The following PLEKHM3 variants were observed in gnomAD, a reference collection of about 807,000 sequenced individuals.
PLEKHM3 encodes pleckstrin homology domain-containing family M member 3.
Under a neutral mutation model 81.8 loss-of-function variants are expected in PLEKHM3, and 45 were observed. The ratio of observed to expected loss-of-function variants is 0.55; its 90% CI spans 0.43 to 0.71. PLEKHM3 has a LOEUF of 0.71. Ranked by LOEUF, PLEKHM3 falls within the 30% of genes least tolerant of loss-of-function variation. PLEKHM3 has a pLI of 0.00. For missense variants in PLEKHM3, 788 were observed against 924.3 expected, an observed-to-expected ratio of 0.85 and a Z score of 1.91; for synonymous variants, 352 against 356.4, an observed-to-expected ratio of 0.99 and a Z score of 0.14.
At chr2:207,907,893 G>A (rs971661790) in intron 6 of PLEKHM3, among the ~76,000 whole-genome samples, 11 of 152,174 alleles carry the variant, frequency 7.2e-5, no homozygotes, top group African/African-American at 9.7e-5. Context: ...TTTCTGTCAC[G>A]ATGGATTTGC....
chr2:207,836,697 G>C (rs2105884671), intron 7 of PLEKHM3, among the ~76,000 whole-genome samples: 1 of 152,318 alleles, frequency 6.6e-6, no homozygotes, highest in Admixed American at 6.5e-5. Context: ...CACACAGGGA[G>C]GTCACAGGAA....
intron 6 of PLEKHM3, among the ~76,000 whole-genome samples, chr2:207,865,801 A>AAAAAAAAAAAAAAAAATATAT: frequency 4.0e-5 from 1 of 25,300 alleles, no homozygotes; most frequent in Non-Finnish European, 7.6e-5. Context: ...AAAAAAAAAA[A>AAAAAAAAAAAAAAAAATATAT]AGATATATAT....
intron 7 of PLEKHM3, among the ~76,000 whole-genome samples, chr2:207,845,293 T>C (rs2092376450): frequency 6.6e-6 from 1 of 152,238 alleles, no homozygotes; most frequent in African/African-American, 2.4e-5. Context: ...AAAACCAAGA[T>C]ACTATTGTAC....
intron 7 of PLEKHM3, among the ~76,000 whole-genome samples, chr2:207,854,598 C>T (rs1462978441): frequency 1.3e-5 from 2 of 152,050 alleles, no homozygotes; most frequent in Non-Finnish European, 2.9e-5. Context: ...TTTGCCTTTT[C>T]ACAGGGTTGT....
chr2:207,894,958 T>C (rs1574380616), intron 6 of PLEKHM3, among the ~76,000 whole-genome samples: 1 of 152,156 alleles, frequency 6.6e-6, no homozygotes, highest in Non-Finnish European at 1.5e-5. Flanking sequence ...TTGTGTGGAT[T>C]AAATGAGATA....
intron 4 of PLEKHM3, among the ~76,000 whole-genome samples, chr2:207,934,797 G>A (rs541460831): frequency 3.3e-5 from 5 of 152,332 alleles, no homozygotes; most frequent in African/African-American, 1.2e-4. Flanking sequence ...ATTATTAAGT[G>A]TCATCAGTAT....
chr2:207,993,139 C>A (rs774159978), intron 2 of PLEKHM3, among the ~76,000 whole-genome samples: 1 of 151,962 alleles, frequency 6.6e-6, no homozygotes, highest in African/African-American at 2.4e-5. Flanking sequence ...ATAGGACAAC[C>A]AGGAAAAAAT....
chr2:207,991,620 G>C (rs1363055928), intron 2 of PLEKHM3, among the ~76,000 whole-genome samples: 1 of 152,058 alleles, frequency 6.6e-6, no homozygotes, highest in Non-Finnish European at 1.5e-5. Context: ...AGACCCAGAA[G>C]AGATGCCCTG....
intron 5 of PLEKHM3, among the ~76,000 whole-genome samples, chr2:207,925,140 G>GTTTTT (rs1189512339): frequency 8.5e-6 from 1 of 118,290 alleles, no homozygotes. Flanking sequence ...TTGTTTTTTT[G>GTTTTT]TTTTTTGTTT....
intron 6 of PLEKHM3, among the ~76,000 whole-genome samples, chr2:207,892,330 C>A (rs890426729): frequency 3.3e-5 from 5 of 152,126 alleles, no homozygotes; most frequent in Non-Finnish European, 7.4e-5. Context: ...CACAGCATAC[C>A]ATTTACCATA....
At chr2:207,953,390 A>G (rs1379139890) in intron 3 of PLEKHM3, among the ~76,000 whole-genome samples, 3 of 151,496 alleles carry the variant, frequency 2.0e-5, no homozygotes, top group African/African-American at 7.3e-5. Flanking sequence ...GTTCATCAGA[A>G]TTTTTTTTTT....
intron 2 of PLEKHM3, among the ~76,000 whole-genome samples, chr2:207,980,684 T>G (rs549917089): frequency 2.0e-5 from 3 of 151,928 alleles, no homozygotes; most frequent in Non-Finnish European, 4.4e-5. Flanking sequence ...TCCTCTCACC[T>G]CAGCCTCCCA....
rs796465372 is a variant in PLEKHM3 at position 207,826,300 on chromosome 2, C to T, written c.*2019G>A. On this transcript the variant is annotated 3_prime_UTR_variant, in exon 8 of 8. Transcript: ENST00000427836. ...GGAAAATATAAATACTGTATTTTACCAAGAGGAGGAGGAAAGGAGATGATC... is the reference window on the plus strand; with the variant it reads ...GGAAAATATAAATACTGTATTTTACTAAGAGGAGGAGGAAAGGAGATGATC... 3.3e-5 allele frequency: 5 copies of T among 152,184 alleles called. No homozygotes were observed. Among genetic ancestry groups the T allele is most frequent in the African/African-American group, 1.2e-4 (5 of 41,506 alleles). The allele number at this position is 152,184 out of a possible 1,614,324, so 9.4% of individuals were successfully genotyped here. A position where few individuals can be genotyped will look rare whatever the true frequency, so the allele number is the denominator to read the frequency against.
At chr2:207,923,541 A>C (rs1389396657) in intron 5 of PLEKHM3, among the ~76,000 whole-genome samples, 1 of 152,064 alleles carries the variant, frequency 6.6e-6, no homozygotes, top group Non-Finnish European at 1.5e-5. Context: ...AGGGAGGTGG[A>C]GGTTGCGGTG....
At chr2:207,968,270 C>T (rs1297722654) in intron 3 of PLEKHM3, among the ~76,000 whole-genome samples, 2 of 152,084 alleles carry the variant, frequency 1.3e-5, no homozygotes, top group Non-Finnish European at 2.9e-5. Flanking sequence ...AGAGCACCTA[C>T]TACAGCATGA....
At chr2:207,906,733 G>A (rs1239672179) in intron 6 of PLEKHM3, among the ~76,000 whole-genome samples, 2 of 152,160 alleles carry the variant, frequency 1.3e-5, no homozygotes, top group Non-Finnish European at 2.9e-5. Flanking sequence ...AGGTTGCAGT[G>A]AGCCAAGATC....
intron 3 of PLEKHM3, among the ~76,000 whole-genome samples, chr2:207,963,345 G>T (rs1690803033): frequency 6.6e-6 from 1 of 152,198 alleles, no homozygotes; most frequent in Non-Finnish European, 1.5e-5. Context: ...GAAGGCCAGA[G>T]TTGAAACTGA....
At position 207,827,489 on chromosome 2, in the gene PLEKHM3, A is replaced by C. The variant is rs2092257691; in HGVS notation, c.*830T>G. The C allele has an allele frequency of 6.6e-6, 1 of 152,226 alleles. No homozygotes were observed. The highest frequency in any genetic ancestry group is 1.5e-5 in the Non-Finnish European group (1 of 68,060). The allele number at this position is 152,226 out of a possible 1,614,324, so 9.4% of individuals were successfully genotyped here. A position where few individuals can be genotyped will look rare whatever the true frequency, so the allele number is the denominator to read the frequency against. ...AATATCAACCATGGGCACCCGTTGA[A>C]AACTGTTAAGAAAGCCATGTGTACA... On this transcript the variant is annotated 3_prime_UTR_variant, in exon 8 of 8. Coordinates refer to ENST00000427836, the MANE Select transcript of PLEKHM3 (RefSeq NM_001080475.3).
chr2:207,867,425 G>A (rs1208716301), intron 6 of PLEKHM3, among the ~76,000 whole-genome samples: 1 of 152,104 alleles, frequency 6.6e-6, no homozygotes, highest in Non-Finnish European at 1.5e-5. Flanking sequence ...CTTTAATATT[G>A]TAGAAGGAAA....
Sources: gnomAD v4.1 joint callset for allele counts (sites outside exome capture counted in the v4.1 genomes callset) on GRCh38, gnomAD v4.1.1 for gene constraint, MANE v1.5 for transcripts, NCBI Gene and HGNC (gene_info 2026-07-23, HGNC 2026-07-21) for gene names.